The following NEU4 variants were observed in gnomAD, a reference collection of about 807,000 sequenced individuals.
The protein encoded by NEU4 is sialidase-4.
Under a neutral mutation model 9.9 loss-of-function variants are expected in NEU4, and 7 were observed. The ratio of observed to expected loss-of-function variants is 0.71; its 90% CI spans 0.40 to 1.33. The LOEUF is 1.33. Among genes scored for constraint, NEU4 ranks in the 40% most tolerant of loss-of-function variants. NEU4 has a pLI of 0.01. For synonymous variants in NEU4, 348 were observed against 316.9 expected (o/e 1.10, Z -1.04); for missense variants, 717 against 712.6 (o/e 1.01, Z -0.07).
At position 241,816,613 on chromosome 2, in the gene NEU4, G is replaced by T; in HGVS notation, c.1020G>T (p.Arg340=). ...GGCCCTTCAGCCGTCTGCAGCCTCGGGGGGATGGCCCCAGGCAGCCTGGCC... is the reference window on the plus strand; with the variant it reads ...GGCCCTTCAGCCGTCTGCAGCCTCGTGGGGATGGCCCCAGGCAGCCTGGCC... ...PGGPFSRLQP[R]GDGPRQPGPR... Residue 340 remains arginine (R), a synonymous_variant, in exon 4 of 4, where the codon CGG becomes CGT. Transcript: ENST00000407683. 6.3e-7 allele frequency: 1 copy of T among 1,578,792 alleles called. No homozygotes were observed. Among genetic ancestry groups the T allele is most frequent in the Non-Finnish European group, 8.6e-7 (1 of 1,164,668 alleles).
At position 241,815,140 on chromosome 2, in the gene NEU4, C is replaced by A. The variant is rs533165662; in HGVS notation, c.450C>A (p.Ala150=). 20 of 1,556,472 alleles carry A rather than the reference C, an allele frequency of 1.3e-5. No individual in the cohort carries two copies. Among genetic ancestry groups the A allele is most frequent in the East Asian group, 2.3e-5 (1 of 43,708 alleles). Reference sequence around the variant, plus strand: ...TCACCGAGGAGGCCATCGGTGGTGCCGTGCAGGGTAGGCGGGCAGGGTGCC... The same window carrying A: ...TCACCGAGGAGGCCATCGGTGGTGCAGTGCAGGGTAGGCGGGCAGGGTGCC... ...RDLTEEAIGG[A]VQDWATFAVG... is the part of the protein sequence containing the mutation. Residue 150 remains alanine, a synonymous_variant, in exon 3 of 4, where the codon GCC becomes GCA. Transcript: ENST00000407683.
intron 3 of NEU4, 51 bp from the exon 4 acceptor site, chr2:241,816,000 C>T: frequency 6.6e-7 from 1 of 1,507,790 alleles, no homozygotes; most frequent in Non-Finnish European, 8.9e-7. Context: ...CTCCAGCCCC[C>T]CGACCTCGGG....
intron 1 of NEU4, chr2:241,811,905 G>A (rs1034789845): frequency 4.1e-5 from 7 of 172,044 alleles, no homozygotes; most frequent in South Asian, 4.0e-4. Context: ...GGCCCAGGAC[G>A]CTCACGGTGC....
In NEU4 at chr2:241,817,131, G is replaced by T. The variant is rs1484790438; in HGVS notation, c.*83G>T. The T allele has an allele frequency of 2.9e-6, 4 of 1,376,440 alleles. No homozygotes were observed. The Admixed American group carries it at 8.4e-5, about 29-fold the overall frequency. The allele number at this position is 1,376,440 out of a possible 1,614,324, so 85.3% of individuals were successfully genotyped here. On this transcript the variant is annotated 3_prime_UTR_variant, in exon 4 of 4. Coordinates refer to ENST00000407683, the MANE Select transcript of NEU4 (RefSeq NM_001167600.3). ...GTTGGGGTGCCCCACGATAGCTGTG[G>T]GGGGGGCTCTTAGTGCAGGATCCTG... is the stretch of plus-strand genomic sequence containing the variant.
At chr2:241,812,990 A>C (rs558937197) in intron 1 of NEU4, among the ~76,000 whole-genome samples, 1 of 152,338 alleles carries the variant, frequency 6.6e-6, no homozygotes, top group South Asian at 2.1e-4. Flanking sequence ...CTTTGAGAGC[A>C]GAGCCAGGGG....
intron 1 of NEU4, among the ~76,000 whole-genome samples, chr2:241,812,986 G>C (rs1700179192): frequency 6.6e-6 from 1 of 152,322 alleles, no homozygotes; most frequent in Non-Finnish European, 1.5e-5. Context: ...TGCCCTTTGA[G>C]AGCAGAGCCA....
chr2:241,814,081 T>C (rs1290468728), intron 1 of NEU4: 1 of 501,500 alleles, frequency 2.0e-6, no homozygotes, highest in African/African-American at 1.9e-5. Flanking sequence ...TGGGTCCTCA[T>C]TGTCCACATG....
intron 2 of NEU4, 70 bp downstream of exon 2, chr2:241,814,755 G>A: frequency 6.7e-7 from 1 of 1,500,554 alleles, no homozygotes; most frequent in East Asian, 2.4e-5. Flanking sequence ...ACCCCGGGAT[G>A]GGGCGGGGGT....
intron 3 of NEU4, chr2:241,815,635 T>A: frequency 2.1e-6 from 1 of 484,128 alleles, no homozygotes; most frequent in East Asian, 5.7e-5. Context: ...CTTCTCACCC[T>A]GCCCAGGGCC....
chr2:241,816,133 C>G lies in NEU4; in HGVS notation c.540C>G (p.Arg180=), dbSNP rs537386050. ...TGCTGGTACCCGCCTACACCTACCG[C>G]GTGGACCGCCGAGAGTGTTTTGGCA... The part of the protein sequence containing the change: ...GRLLVPAYTY[R]VDRRECFGKI... The change falls in exon 4 of 4, where the codon CGC becomes CGG. Residue 180 remains arginine, a synonymous_variant. Transcript: ENST00000407683. 5.6e-6 allele frequency: 9 copies of G among 1,611,962 alleles called. No individual in the cohort carries two copies. Among genetic ancestry groups the G allele is most frequent in the Non-Finnish European group, 7.6e-6 (9 of 1,179,724 alleles).
In NEU4 at chr2:241,813,660, C is replaced by T. The variant is rs370390540; in HGVS notation, c.-3-822C>T. 777 of 652,898 alleles carry T rather than the reference C, an allele frequency of 1.2e-3. 18 individuals are homozygous for T. The highest frequency in any genetic ancestry group is 0.01 in the South Asian group (687 of 67,534). 40.4% of individuals were successfully genotyped at this position (652,898 alleles called of 1,614,324 possible). On this transcript the variant is annotated intron_variant, in intron 1 of 3. Transcript: ENST00000407683. ...CTTTGGAGCTTCTGATTCCTGTGGG[C>T]GCTTCTCAGGTCAGGGCCCTGCAGG...
At position 241,816,661 on chromosome 2, in the gene NEU4, T is replaced by C. The variant is rs1300906642; in HGVS notation, c.1068T>C (p.Asp356=). ...GCCCCAGGCCTGGGGTCAGTGGGGA[T>C]GTGGGGTCCTGGACCCTGGCACTCC... ...QPGPRPGVSG[D]VGSWTLALPM... is the part of the protein sequence containing the mutation. The change falls in exon 4 of 4, where the codon GAT becomes GAC. Residue 356 remains aspartate (D), a synonymous_variant. Coordinates refer to ENST00000407683, the MANE Select transcript of NEU4 (RefSeq NM_001167600.3). 2.0e-6 allele frequency: 3 copies of C among 1,529,722 alleles called. No individual in the cohort carries two copies. The highest frequency in any genetic ancestry group is 1.4e-5 in the African/African-American group (1 of 72,554). 94.8% of individuals were successfully genotyped at this position (1,529,722 alleles called of 1,614,324 possible). A position where few individuals can be genotyped will look rare whatever the true frequency, so the allele number is the denominator to read the frequency against.
At chr2:241,812,185 CTG>C (rs1700139432) in intron 1 of NEU4, among the ~76,000 whole-genome samples, 1 of 103,976 alleles carries the variant, frequency 9.6e-6, no homozygotes, top group Non-Finnish European at 1.9e-5. Context: ...ACAGGATGGG[CTG>C]TGAGGGGTTG....
At chr2:241,812,684 G>C (rs927290270) in intron 1 of NEU4, among the ~76,000 whole-genome samples, 7 of 149,520 alleles carry the variant, frequency 4.7e-5, no homozygotes, top group Non-Finnish European at 7.4e-5. Context: ...CCCAGGGCCT[G>C]GCCGTGGCAA....
rs913569409 is a variant in NEU4 at position 241,813,236 on chromosome 2, G to A, written c.-3-1246G>A. The A allele has an allele frequency of 2.0e-5, 15 of 749,166 alleles. No homozygotes were observed. In the South Asian group the frequency reaches 3.7e-4, roughly 18 times the overall value. 46.4% of individuals were successfully genotyped at this position (749,166 alleles called of 1,614,324 possible). Reference sequence around the variant, plus strand: ...TCTGTCAGTGGGTCCCGCCTGACCCGTGGGTGTGCATGGGTCCCCGTCGTA... The same window carrying A: ...TCTGTCAGTGGGTCCCGCCTGACCCATGGGTGTGCATGGGTCCCCGTCGTA... On this transcript the variant is annotated intron_variant, in intron 1 of 3. Transcript: ENST00000407683.
intron 3 of NEU4, chr2:241,815,673 T>A: frequency 6.0e-6 from 3 of 496,940 alleles, no homozygotes; most frequent in Non-Finnish European, 1.2e-5. Flanking sequence ...CAACTTTCCC[T>A]CCACCCCATC....
chr2:241,811,196 C>A (rs1295975321), intron 1 of NEU4: 2 of 1,234,736 alleles, frequency 1.6e-6, no homozygotes, highest in Non-Finnish European at 2.0e-6. Flanking sequence ...GTCCTCAGCA[C>A]CCCAGTGTTG....
At chr2:241,809,364 C>T (rs1700041940) in intron 1 of NEU4, 90 bp downstream of exon 1, 1 of 700,270 alleles carries the variant, frequency 1.4e-6, no homozygotes, top group Non-Finnish European at 2.1e-6. Context: ...AACAGCCTGT[C>T]CGGGCTGTGC....
chr2:241,811,571 G>C, intron 1 of NEU4: 1 of 1,022,436 alleles, frequency 9.8e-7, no homozygotes, highest in Non-Finnish European at 1.3e-6. Context: ...CTCTGTCTGG[G>C]GGTGCTGGAC....
Sources: allele counts gnomAD v4.1 joint callset (sites outside exome capture counted in the v4.1 genomes callset), GRCh38; gene constraint gnomAD v4.1.1; transcripts MANE v1.5; gene names NCBI Gene and HGNC (gene_info 2026-07-23, HGNC 2026-07-21).